RNF19A: variants seen among roughly 807,000 people sequenced by gnomAD.
The protein encoded by RNF19A is E3 ubiquitin-protein ligase RNF19A.
RNF19A carries 32 observed loss-of-function variants against 75.7 expected under a neutral mutation model. The observed-to-expected ratio is 0.42, with a 90% CI of 0.32 to 0.57. RNF19A has a LOEUF of 0.57. Ranked by LOEUF, RNF19A falls within the 20% of genes least tolerant of loss-of-function variation. The pLI is 0.10. For missense variants in RNF19A, 782 were observed against 1,036.3 expected, an observed-to-expected ratio of 0.75 and a Z score of 3.37; for synonymous variants, 335 against 345.2, an observed-to-expected ratio of 0.97 and a Z score of 0.33.
intron 1 of RNF19A, among the ~76,000 whole-genome samples, chr8:100,292,124 T>C (rs1821326742): frequency 6.6e-6 from 1 of 152,156 alleles, no homozygotes; most frequent in African/African-American, 2.4e-5. Context: ...AAAAATACTA[T>C]GTTAAATGCT....
rs529992879 is a variant in RNF19A at position 100,329,006 on chromosome 8, A to G, written c.-243+7102T>C. ...CTTGCGCAGGTTTATCAGTTTGGCT[A>G]CATGGTGATGACTCTTCTCCAAAGC... On this transcript the variant is annotated intron_variant, in intron 1 of 3. Coordinates refer to the RNF19A transcript ENST00000519527. The surrounding 1 kb of genome is among the most constrained non-coding windows in gnomAD (Gnocchi z 4.3). Among the ~76,000 whole-genome samples, 1 of 152,312 alleles carries G rather than the reference A, an allele frequency of 6.6e-6. No individual in the cohort carries two copies. Among genetic ancestry groups the G allele is most frequent in the African/African-American group, 2.4e-5 (1 of 41,568 alleles).
At chr8:100,318,641 T>C (rs1331133244) in intron 1 of RNF19A, among the ~76,000 whole-genome samples, 1 of 152,220 alleles carries the variant, frequency 6.6e-6, no homozygotes, top group African/African-American at 2.4e-5. Context: ...CATTATTATC[T>C]AGCGAGTGAA....
At chr8:100,307,695 C>T (rs1340572968) in intron 1 of RNF19A, among the ~76,000 whole-genome samples, 2 of 152,024 alleles carry the variant, frequency 1.3e-5, no homozygotes, top group African/African-American at 4.8e-5. Flanking sequence ...TTCAATCCAA[C>T]CCCAATAAAA....
At position 100,324,096 on chromosome 8, in the gene RNF19A, G is replaced by A. The variant is rs772732629; in HGVS notation, c.-242-10724C>T. ...TACTACAGAGCTGTGATTTTGAGAT[G>A]ACTTTGTTCAAAGAAAATTCCCACA... On this transcript the variant is annotated intron_variant, in intron 1 of 3. Coordinates refer to the RNF19A transcript ENST00000519527. This position sits in a 1 kb window ranked among gnomAD's most constrained non-coding sequence, Gnocchi z 4.2. Among the ~76,000 whole-genome samples the A allele has an allele frequency of 1.4e-4, 21 of 152,132 alleles. No individual in the cohort carries two copies. The highest frequency in any genetic ancestry group is 1.9e-4 in the East Asian group (1 of 5,200).
In RNF19A at chr8:100,332,297, A is replaced by G. The variant is rs770801186; in HGVS notation, c.-243+3811T>C. On this transcript the variant is annotated intron_variant, in intron 1 of 3. Transcript: ENST00000519527. This position sits in a 1 kb window ranked among gnomAD's most constrained non-coding sequence, Gnocchi z 4.8. ...TTGGGTCATGGTGGTAATTTCCCCC[A>G]TGTTGTTCTCATGATAGTGAGTGAG... is the stretch of plus-strand genomic sequence containing the variant. Among the ~76,000 whole-genome samples, 1 of 151,598 alleles carries G rather than the reference A, an allele frequency of 6.6e-6. No homozygotes were observed. Among genetic ancestry groups the G allele is most frequent in the South Asian group, 2.1e-4 (1 of 4,812 alleles).
chr8:100,323,517 C>A lies in RNF19A; in HGVS notation c.-242-10145G>T, dbSNP rs935691765. Among the ~76,000 whole-genome samples the A allele has an allele frequency of 6.6e-6, 1 of 152,170 alleles. No homozygotes were observed. The highest frequency in any genetic ancestry group is 1.5e-5 in the Non-Finnish European group (1 of 68,032). On this transcript the variant is annotated intron_variant, in intron 1 of 3. Transcript: ENST00000519527. The surrounding 1 kb of genome is among the most constrained non-coding windows in gnomAD (Gnocchi z 4.6). ...TCTTAGAATTGTCACATTAACTGCA[C>A]GTATGCTAGCCAAGAAACTCATCAG...
chr8:100,270,404 T>C (rs907928515), intron 3 of RNF19A, among the ~76,000 whole-genome samples: 1 of 152,102 alleles, frequency 6.6e-6, no homozygotes, highest in Non-Finnish European at 1.5e-5. Flanking sequence ...CTTCCCTTAA[T>C]TCAAATGTAC....
In RNF19A at chr8:100,322,516, C is replaced by A. The variant is rs1285079047; in HGVS notation, c.-242-9144G>T. 6.6e-6 allele frequency among the ~76,000 whole-genome samples: 1 copy of A among 152,210 alleles called. No individual in the cohort carries two copies. The highest frequency in any genetic ancestry group is 1.5e-5 in the Non-Finnish European group (1 of 68,036). On this transcript the variant is annotated intron_variant, in intron 1 of 3. Transcript: ENST00000519527. The surrounding 1 kb of genome is among the most constrained non-coding windows in gnomAD (Gnocchi z 5.1). ...ACCATTTAAACTTTCTCCAAATTAG[C>A]AATAAGGCTGTTTCATTTATGAGTT...
At chr8:100,267,162 G>C (rs1364482327) in intron 5 of RNF19A, among the ~76,000 whole-genome samples, 4 of 152,122 alleles carry the variant, frequency 2.6e-5, no homozygotes, top group Admixed American at 2.6e-4. Context: ...AATAGCTACT[G>C]AAACTTAATC....
Position 100,332,646 on chromosome 8 carries a change from A to G in RNF19A, c.-243+3462T>C, listed in dbSNP as rs1413795386. 6.6e-6 allele frequency among the ~76,000 whole-genome samples: 1 copy of G among 152,194 alleles called. No individual in the cohort carries two copies. Among genetic ancestry groups the G allele is most frequent in the Non-Finnish European group, 1.5e-5 (1 of 68,026 alleles). ...CAATGTATGCATTGCCTATTTTCCA[A>G]CATCCTCTTTAACAAAGTGTATTAT... On this transcript the variant is annotated intron_variant, in intron 1 of 3. Coordinates refer to the RNF19A transcript ENST00000519527. This position sits in a 1 kb window ranked among gnomAD's most constrained non-coding sequence, Gnocchi z 4.8.
At chr8:100,265,976 T>G (rs751821430) in intron 5 of RNF19A, among the ~76,000 whole-genome samples, 10 of 152,110 alleles carry the variant, frequency 6.6e-5, no homozygotes, top group Non-Finnish European at 8.8e-5. Flanking sequence ...CTGGGAAACT[T>G]AGCACTGAAG....
Position 100,329,550 on chromosome 8 carries a change from G to T in RNF19A, c.-243+6558C>A, listed in dbSNP as rs759566661. On this transcript the variant is annotated intron_variant, in intron 1 of 3. Coordinates refer to the RNF19A transcript ENST00000519527. The surrounding 1 kb of genome is among the most constrained non-coding windows in gnomAD (Gnocchi z 4.3). Reference sequence around the variant, plus strand: ...CAATGGTCCCACTGAACTCAGCAATGGTCAGGCCTCATCTGGAGGCTTATA... The same window carrying T: ...CAATGGTCCCACTGAACTCAGCAATTGTCAGGCCTCATCTGGAGGCTTATA... Among the ~76,000 whole-genome samples, 7 of 152,180 alleles carry T rather than the reference G, an allele frequency of 4.6e-5. No homozygotes were observed. The highest frequency in any genetic ancestry group is 7.3e-5 in the Non-Finnish European group (5 of 68,030).
At chr8:100,271,895 G>C (rs1207587542) in intron 3 of RNF19A, among the ~76,000 whole-genome samples, 4 of 152,008 alleles carry the variant, frequency 2.6e-5, no homozygotes, top group African/African-American at 9.7e-5. Context: ...CATTCCCCAA[G>C]AATCAATTAA....
chr8:100,328,183 C>A (rs896746100), intron 1 of RNF19A, among the ~76,000 whole-genome samples: 1 of 152,290 alleles, frequency 6.6e-6, no homozygotes, highest in South Asian at 2.1e-4. Context: ...CCACCTTCTG[C>A]CACACCCTCA....
At chr8:100,276,680 A>G (rs1391726869) in intron 2 of RNF19A, among the ~76,000 whole-genome samples, 1 of 146,496 alleles carries the variant, frequency 6.8e-6, no homozygotes, top group Non-Finnish European at 1.5e-5. Context: ...TGAACTTGGG[A>G]GGCAGACGGA....
At chr8:100,327,245 CTTTTTTT>C (rs71303441) in intron 1 of RNF19A, among the ~76,000 whole-genome samples, 2 of 75,836 alleles carry the variant, frequency 2.6e-5, no homozygotes, top group African/African-American at 1.1e-4. Flanking sequence ...GCAATTACTT[CTTTTTTT>C]TTTTTTTTTT....
intron 1 of RNF19A, among the ~76,000 whole-genome samples, chr8:100,298,574 A>G (rs1329247462): frequency 2.0e-5 from 3 of 152,200 alleles, no homozygotes. Flanking sequence ...TCTCAGAAAC[A>G]GAAACTCAAA....
chr8:100,287,393 T>C lies in RNF19A; in HGVS notation c.674+108A>G, dbSNP rs1280826978. 2.2e-5 allele frequency: 21 copies of C among 967,268 alleles called. No homozygotes were observed. The highest frequency in any genetic ancestry group is 5.0e-5 in the African/African-American group (3 of 60,384). The allele number at this position is 967,268 out of a possible 1,614,324, so 59.9% of individuals were successfully genotyped here. A position where few individuals can be genotyped will look rare whatever the true frequency, so the allele number is the denominator to read the frequency against. On this transcript the variant is annotated intron_variant, in intron 2 of 9. Coordinates refer to ENST00000341084, the MANE Select transcript of RNF19A (RefSeq NM_183419.4). This position sits in a 1 kb window ranked among gnomAD's most constrained non-coding sequence, Gnocchi z 4.1. The stretch of plus-strand genomic sequence containing the variant: ...ATATGGTGTGCACTCAACATGTCTG[T>C]TGAATGAATTCTCCAGCATGTAAAA...
upstream of RNF19A, chr8:100,313,240 T>TG: frequency 1.3e-6 from 1 of 771,970 alleles, no homozygotes; most frequent in South Asian, 5.9e-5. Flanking sequence ...GTGCTTACAT[T>TG]GGGGGATGAG....
Sources: allele counts gnomAD v4.1 joint callset (sites outside exome capture counted in the v4.1 genomes callset), GRCh38; gene constraint gnomAD v4.1.1; non-coding constraint Gnocchi (gnomAD v3.1); transcripts MANE v1.5; gene names NCBI Gene and HGNC (gene_info 2026-07-23, HGNC 2026-07-21).